STARD13: variants seen among roughly 807,000 people sequenced by gnomAD.
The protein encoded by STARD13 is StAR related lipid transfer domain containing 13.
Under a neutral mutation model 106.4 loss-of-function variants are expected in STARD13, and 62 were observed. The observed-to-expected ratio is 0.58, with a 90% CI of 0.48 to 0.72. The LOEUF (loss-of-function observed/expected upper bound fraction) is 0.72, where lower values mean the gene tolerates loss of function less well. Among genes scored for constraint, STARD13 ranks in the 30% least tolerant of loss-of-function variants. The pLI, the probability that STARD13 is intolerant of heterozygous loss-of-function variation, is 0.00. For missense variants in STARD13, 1,387 were observed against 1,424.0 expected (o/e 0.97, Z 0.42); for synonymous variants, 565 against 553.0 (o/e 1.02, Z -0.31).
chr13:33,376,549 G>C, the STARD13 span, among the ~76,000 whole-genome samples: 1 of 151,960 alleles, frequency 6.6e-6, no homozygotes, highest in Non-Finnish European at 1.5e-5. Flanking sequence ...GTTCATGGCT[G>C]TAGTGAGCTG....
the STARD13 span, among the ~76,000 whole-genome samples, chr13:33,641,970 A>G: frequency 6.6e-6 from 1 of 152,250 alleles, no homozygotes; most frequent in Non-Finnish European, 1.5e-5. Flanking sequence ...ACAATGATAG[A>G]TACAACTATT....
At chr13:33,384,757 C>G in the STARD13 span, among the ~76,000 whole-genome samples, 1 of 152,038 alleles carries the variant, frequency 6.6e-6, no homozygotes, top group Non-Finnish European at 1.5e-5. Context: ...CATATCCTGC[C>G]CATCTCCTTA....
intron 1 of STARD13, among the ~76,000 whole-genome samples, chr13:33,242,561 T>G (rs1889583312): frequency 6.6e-6 from 1 of 152,066 alleles, no homozygotes; most frequent in Admixed American, 6.5e-5. Context: ...GCATACTCCT[T>G]AAGAGTCATC....
chr13:33,521,543 G>A, the STARD13 span, among the ~76,000 whole-genome samples: 18 of 152,212 alleles, frequency 1.2e-4, no homozygotes, highest in Admixed American at 1.2e-3. Flanking sequence ...CTTGCATGCT[G>A]CCTGTTTACA....
intron 12 of STARD13, among the ~76,000 whole-genome samples, chr13:33,109,436 T>C (rs1227438878): frequency 3.9e-5 from 6 of 152,184 alleles, no homozygotes; most frequent in Non-Finnish European, 8.8e-5. Flanking sequence ...TCTGAAGTTA[T>C]ACAGATGAGT....
the STARD13 span, among the ~76,000 whole-genome samples, chr13:33,385,768 G>T: frequency 3.4e-5 from 5 of 148,958 alleles, no homozygotes; most frequent in Non-Finnish European, 7.4e-5. Flanking sequence ...GCTGAGGCAG[G>T]AGAATCACTT....
At chr13:33,499,388 A>G in the STARD13 span, among the ~76,000 whole-genome samples, 1 of 152,136 alleles carries the variant, frequency 6.6e-6, no homozygotes, top group Non-Finnish European at 1.5e-5. Context: ...CAAGGTGCCA[A>G]TGTGGTTGGC....
the STARD13 span, among the ~76,000 whole-genome samples, chr13:33,479,250 G>A: frequency 1.3e-5 from 2 of 152,202 alleles, no homozygotes; most frequent in Non-Finnish European, 2.9e-5. Flanking sequence ...TTAGCAAGAG[G>A]AAAGAGGCAC....
At chr13:33,519,285 TTCTTTCTTTCTCTCTC>T in the STARD13 span, among the ~76,000 whole-genome samples, 9 of 131,508 alleles carry the variant, frequency 6.8e-5, no homozygotes, top group Non-Finnish European at 1.3e-4. Flanking sequence ...TTCTTTCTCT[TTCTTTCTTTCTCTCTC>T]TCTTTCTTTC....
rs963883362 is a variant in STARD13 at position 33,117,902 on chromosome 13, T to A, written c.2281+163A>T. On this transcript the variant is annotated intron_variant, in intron 8 of 13. Transcript: ENST00000336934. ...AAAAAATGGCTTGTGGATTTCCATA[T>A]CAAACTTTGAGCAAAAGTTACTTCC... The A allele has an allele frequency of 5.0e-6, 7 of 1,399,686 alleles. No homozygotes were observed. In the South Asian group the frequency reaches 6.8e-5, roughly 14 times the overall value. 86.7% of individuals were successfully genotyped at this position (1,399,686 alleles called of 1,614,324 possible). A position where few individuals can be genotyped will look rare whatever the true frequency, so the allele number is the denominator to read the frequency against.
chr13:33,191,068 T>C (rs1158025859), intron 1 of STARD13, among the ~76,000 whole-genome samples: 1 of 152,242 alleles, frequency 6.6e-6, no homozygotes, highest in Non-Finnish European at 1.5e-5. Context: ...ACAAGGTATG[T>C]TTATTTTAAT....
rs1443803904 is a variant in STARD13, at chr13:33,212,092, G to T, written c.170-44470C>A. ...CAGTGGAACCCCAGTGACTGTTTTA[G>T]TCAAAAGTGTGGTTTCAGGGGACCA... On this transcript the variant is annotated intron_variant, in intron 1 of 13. Transcript: ENST00000336934. Among the ~76,000 whole-genome samples the T allele has an allele frequency of 5.3e-5, 8 of 152,224 alleles. No individual in the cohort carries two copies. In the East Asian group the frequency reaches 1.4e-3, roughly 26 times the overall value.
chr13:33,303,957 T>C (rs1194944776), intron 1 of STARD13, among the ~76,000 whole-genome samples: 1 of 152,198 alleles, frequency 6.6e-6, no homozygotes, highest in Non-Finnish European at 1.5e-5. Flanking sequence ...AGGAGCTTCT[T>C]GGAAATGCAG....
At position 33,117,543 on chromosome 13, in the gene STARD13, C is replaced by T. The variant is rs116478217; in HGVS notation, c.2281+522G>A. On this transcript the variant is annotated intron_variant, in intron 8 of 13. Coordinates refer to ENST00000336934, the MANE Select transcript of STARD13 (RefSeq NM_178006.4). Reference sequence around the variant, plus strand: ...AGAACTTAACATTATTAAAAAAAATCCAAGTGAAAATATAAATAAGTTTAT... The same window carrying T: ...AGAACTTAACATTATTAAAAAAAATTCAAGTGAAAATATAAATAAGTTTAT... The T allele has an allele frequency of 2.9e-3, 2,447 of 846,878 alleles. 52 individuals are homozygous for T. In the African/African-American group the frequency reaches 0.039, roughly 13 times the overall value. The allele number at this position is 846,878 out of a possible 1,614,324, so 52.5% of individuals were successfully genotyped here. A position where few individuals can be genotyped will look rare whatever the true frequency, so the allele number is the denominator to read the frequency against.
chr13:33,386,881 C>A, the STARD13 span, among the ~76,000 whole-genome samples: 1 of 152,004 alleles, frequency 6.6e-6, no homozygotes, highest in Admixed American at 6.6e-5. Context: ...TTAATTTAAA[C>A]TTTTTTAAAA....
At chr13:33,230,115 A>G (rs1888837809) in intron 1 of STARD13, among the ~76,000 whole-genome samples, 1 of 152,252 alleles carries the variant, frequency 6.6e-6, no homozygotes, top group African/African-American at 2.4e-5. Context: ...GTCAGTCCAC[A>G]TGGGGAAGAA....
intron 9 of STARD13, among the ~76,000 whole-genome samples, 168 bp from the exon 10 acceptor site, chr13:33,112,060 C>T (rs1247941820): frequency 1.3e-5 from 2 of 152,166 alleles, no homozygotes; most frequent in Non-Finnish European, 2.9e-5. Flanking sequence ...CTGAATCAGG[C>T]TAACAGTCTG....
At chr13:33,262,867 T>C (rs1890720841) in intron 1 of STARD13, among the ~76,000 whole-genome samples, 1 of 152,106 alleles carries the variant, frequency 6.6e-6, no homozygotes. Context: ...TTCTGCTTAT[T>C]AGATGGGTGT....
intron 1 of STARD13, among the ~76,000 whole-genome samples, chr13:33,200,492 C>T (rs1370340180): frequency 6.6e-6 from 1 of 152,234 alleles, no homozygotes; most frequent in South Asian, 2.1e-4. Context: ...GTGAATTTCT[C>T]AGGACTCCAC....
Sources: gnomAD v4.1 joint callset for allele counts (sites outside exome capture counted in the v4.1 genomes callset) on GRCh38, gnomAD v4.1.1 for gene constraint, MANE v1.5 for transcripts, NCBI Gene and HGNC (gene_info 2026-07-23, HGNC 2026-07-21) for gene names.